Variants in PCDHA4 observed in about 807,000 individuals in gnomAD.
PCDHA4 encodes protocadherin alpha 4.
Under a neutral mutation model 61.4 loss-of-function variants are expected in PCDHA4, and 49 were observed. The ratio of observed to expected loss-of-function variants is 0.80; its 90% CI spans 0.63 to 1.01. The LOEUF is 1.01. Ranked by LOEUF, PCDHA4 falls within the 50% of genes least tolerant of loss-of-function variation. PCDHA4 has a pLI of 0.00. For synonymous variants in PCDHA4, 590 were observed against 550.3 expected, an observed-to-expected ratio of 1.07 and a Z score of -1.01; for missense variants, 1,254 against 1,235.8, an observed-to-expected ratio of 1.01 and a Z score of -0.22.
intron 3 of PCDHA4, among the ~76,000 whole-genome samples, chr5:141,005,306 C>T (rs1563689503): frequency 6.6e-6 from 1 of 152,158 alleles, no homozygotes; most frequent in Non-Finnish European, 1.5e-5. Context: ...CTTTGTGAAT[C>T]TTACAGTGGT....
intron 1 of PCDHA4, chr5:140,882,358 G>A: frequency 1.9e-6 from 3 of 1,614,232 alleles, no homozygotes; most frequent in Non-Finnish European, 2.5e-6. Context: ...GTAGTGGCCA[G>A]CTCCACTACT....
chr5:140,857,651 AGC>A (rs2044749625), intron 1 of PCDHA4: 2 of 1,596,558 alleles, frequency 1.3e-6, no homozygotes, highest in Middle Eastern at 2.0e-4. Flanking sequence ...GTTCCAGGTG[AGC>A]GCGCGCGATG....
rs2098417470 is a variant in PCDHA4, at chr5:141,010,504, A to G, written c.*567A>G. On this transcript the variant is annotated 3_prime_UTR_variant, in exon 4 of 4. Coordinates refer to ENST00000530339, the MANE Select transcript of PCDHA4 (RefSeq NM_018907.4). ...AACTTAAAGGGACCAGACTTTCTAA[A>G]TCTTACAACTCAAGAGGTGGCAGCC... 3.6e-6 allele frequency: 2 copies of G among 549,616 alleles called. No homozygotes were observed. The allele number at this position is 549,616 out of a possible 1,614,324, so 34.0% of individuals were successfully genotyped here.
At chr5:140,836,055 G>T in intron 1 of PCDHA4, 1 of 1,613,604 alleles carries the variant, frequency 6.2e-7, no homozygotes, top group Non-Finnish European at 8.5e-7. Context: ...CGTGCTGGAC[G>T]AGAACGACAA....
intron 1 of PCDHA4, among the ~76,000 whole-genome samples, chr5:140,837,973 C>T (rs1397012056): frequency 6.6e-6 from 1 of 151,666 alleles, no homozygotes; most frequent in Non-Finnish European, 1.5e-5. Context: ...ACAACCACAC[C>T]CAGCCTGCCT....
At chr5:140,984,030 A>T (rs900763001) in intron 3 of PCDHA4, among the ~76,000 whole-genome samples, 17 of 152,330 alleles carry the variant, frequency 1.1e-4, no homozygotes, top group African/African-American at 3.6e-4. Context: ...AAGGGGAAAA[A>T]CATAAAATAG....
chr5:140,966,971 C>T lies in PCDHA4; in HGVS notation c.2386-11978C>T, dbSNP rs375161984. On this transcript the variant is annotated intron_variant, in intron 1 of 3. Coordinates refer to ENST00000530339, the MANE Select transcript of PCDHA4 (RefSeq NM_018907.4). ...CGTGGCTCGCGCGCTGGGGCTTGAG[C>T]TGCGGCGCTTGGGGCCGGGTTGCTT... 13 of 1,602,690 alleles carry T rather than the reference C, an allele frequency of 8.1e-6. No homozygotes were observed. The African/African-American group carries it at 1.7e-4, about 21-fold the overall frequency.
intron 1 of PCDHA4, chr5:140,877,134 C>G (rs1339173132): frequency 3.1e-6 from 5 of 1,613,594 alleles, no homozygotes; most frequent in African/African-American, 2.7e-5. Flanking sequence ...TGCAGGTGTT[C>G]GTGCTGGACG....
chr5:140,988,204 AG>A (rs2097287084), intron 3 of PCDHA4, among the ~76,000 whole-genome samples: 1 of 152,100 alleles, frequency 6.6e-6, no homozygotes, highest in South Asian at 2.1e-4. Context: ...TATCCTTATT[AG>A]GAAAAAAAAA....
intron 1 of PCDHA4, among the ~76,000 whole-genome samples, chr5:140,888,497 A>C (rs2061848830): frequency 6.6e-6 from 1 of 152,250 alleles, no homozygotes; most frequent in Non-Finnish European, 1.5e-5. Flanking sequence ...ACTCTGCTTT[A>C]AAGAGTCTTG....
chr5:140,842,608 C>T lies in PCDHA4; in HGVS notation c.2385+33036C>T, dbSNP rs1251086188. On this transcript the variant is annotated intron_variant, in intron 1 of 3. Coordinates refer to ENST00000530339, the MANE Select transcript of PCDHA4 (RefSeq NM_018907.4). ...ATGAGTTGGTGGTAACCGCGCGGGA[C>T]GGGGGCTCGCCTTCGCTGTGGGCCA... The T allele has an allele frequency of 3.9e-6, 6 of 1,557,100 alleles. No homozygotes were observed. The African/African-American group carries it at 4.3e-5, about 11-fold the overall frequency.
intron 1 of PCDHA4, chr5:140,871,575 A>C (rs974047385): frequency 1.4e-6 from 2 of 1,477,482 alleles, no homozygotes; most frequent in Non-Finnish European, 1.8e-6. Flanking sequence ...GGATTTTTTA[A>C]GGGAAAGTTT....
rs1261636098 is a variant in PCDHA4, at chr5:140,968,913, C to G, written c.2386-10036C>G. 6.8e-6 allele frequency: 11 copies of G among 1,614,036 alleles called. No homozygotes were observed. Among genetic ancestry groups the G allele is most frequent in the Non-Finnish European group, 8.5e-6 (10 of 1,180,044 alleles). On this transcript the variant is annotated intron_variant, in intron 1 of 3. Transcript: ENST00000530339. ...CTAATAATAGCATTAAGCACAGTGT[C>G]TTTTATATTTCTTTTGACAATCATC...
chr5:140,876,312 G>C (rs557901977), intron 1 of PCDHA4: 1 of 1,614,036 alleles, frequency 6.2e-7, no homozygotes. Context: ...TTTCCTATGG[G>C]ATCAAAATGA....
chr5:140,979,081 G>A, intron 2 of PCDHA4, 74 bp downstream of exon 2: 1 of 1,564,866 alleles, frequency 6.4e-7, no homozygotes, highest in South Asian at 1.2e-5. Flanking sequence ...CATCTCCATA[G>A]GCCAGAAGCA....
chr5:140,882,152 GA>G, intron 1 of PCDHA4: 1 of 1,505,314 alleles, frequency 6.6e-7, no homozygotes, highest in East Asian at 2.3e-5. Flanking sequence ...GCAGAAAGCG[GA>G]ATACCTCTTG....
At chr5:140,836,991 C>A in intron 1 of PCDHA4, 2 of 347,628 alleles carry the variant, frequency 5.8e-6, no homozygotes, top group Non-Finnish European at 1.0e-5. Context: ...GAGGACTTTG[C>A]TAACTGGAGC....
At chr5:140,812,827 TTTTG>T (rs1301120127) in intron 1 of PCDHA4, 1 of 152,222 alleles carries the variant, frequency 6.6e-6, no homozygotes, top group Non-Finnish European at 1.5e-5. Flanking sequence ...GTGTTTTCAT[TTTTG>T]TTTATCTTAA....
At chr5:140,821,734 GT>G in intron 1 of PCDHA4, 3 of 1,534,086 alleles carry the variant, frequency 2.0e-6, no homozygotes, top group South Asian at 1.2e-5. Flanking sequence ...AATACATTGT[GT>G]GGTGATGCAA....
Sources: gnomAD v4.1 joint callset for allele counts (sites outside exome capture counted in the v4.1 genomes callset) on GRCh38, gnomAD v4.1.1 for gene constraint, MANE v1.5 for transcripts, NCBI Gene and HGNC (gene_info 2026-07-23, HGNC 2026-07-21) for gene names.